The following DNAH9 variants were observed in gnomAD, a reference collection of about 807,000 sequenced individuals.
DNAH9 encodes the protein dynein axonemal heavy chain 9.
In DNAH9, 345 loss-of-function variants were observed where a neutral mutation model predicts 471.6. The observed-to-expected ratio is 0.73, with a 90% CI of 0.67 to 0.80. The LOEUF (loss-of-function observed/expected upper bound fraction) is 0.80. DNAH9 is among the 30% of genes least tolerant of loss of function. DNAH9 has a pLI of 0.00. For synonymous variants in DNAH9, 2,093 were observed against 2,123.6 expected (o/e 0.99, Z 0.40); for missense variants, 5,407 against 5,609.2 (o/e 0.96, Z 1.15).
intron 62 of DNAH9, 62 bp from the exon 63 acceptor site, chr17:11,929,804 T>C: frequency 7.0e-7 from 1 of 1,423,278 alleles, no homozygotes. Flanking sequence ...CTGACAACTA[T>C]TTACTGCTAA....
intron 55 of DNAH9, 145 bp downstream of exon 55, chr17:11,881,558 A>C: frequency 2.6e-6 from 2 of 757,880 alleles, no homozygotes; most frequent in Non-Finnish European, 4.1e-6. Context: ...CCCATGTAGC[A>C]ACCTGGGAAT....
chr17:11,606,733 A>G (rs946822597), intron 1 of DNAH9, among the ~76,000 whole-genome samples: 4 of 152,082 alleles, frequency 2.6e-5, no homozygotes, highest in African/African-American at 9.7e-5. Flanking sequence ...TGCGATTAAT[A>G]GAAACCTAAT....
chr17:11,839,650 A>G (rs1970965025), intron 49 of DNAH9, among the ~76,000 whole-genome samples: 2 of 152,328 alleles, frequency 1.3e-5, no homozygotes, highest in African/African-American at 4.8e-5. Context: ...TGTCTATTTC[A>G]GCAGTTTTTC....
rs188848035 is a variant in DNAH9, at chr17:11,677,848, A to T, written c.3354-1909A>T. Among the ~76,000 whole-genome samples, 677 of 152,100 alleles carry T rather than the reference A, an allele frequency of 4.5e-3. 4 individuals carry two copies. Among genetic ancestry groups the T allele is most frequent in the African/African-American group, 0.015 (630 of 41,522 alleles). ...GCTTACCACTGCTATTTTAATAAGC[A>T]TCCTTAAAATAAGTAAATTTATTAC... On this transcript the variant is annotated intron_variant, in intron 17 of 68. Transcript: ENST00000262442.
chr17:11,775,841 C>T (rs1409751891), intron 38 of DNAH9, among the ~76,000 whole-genome samples: 1 of 152,078 alleles, frequency 6.6e-6, no homozygotes, highest in Non-Finnish European at 1.5e-5. Context: ...ATCCGCCCGC[C>T]TCGGGCTCCC....
rs74931017 is a variant in DNAH9 at position 11,905,807 on chromosome 17, A to G, written c.11747A>G (p.Gln3916Arg). 3.9e-4 allele frequency: 630 copies of G among 1,600,522 alleles called. 4 individuals carry two copies. The African/African-American group carries it at 7.7e-3, about 20-fold the overall frequency. Residue 3916 changes from glutamine (Q) to arginine (R), a missense_variant and splice_region_variant, in exon 61 of 69, where the codon CAA becomes CGA. Coordinates refer to ENST00000262442, the MANE Select transcript of DNAH9 (RefSeq NM_001372.4). ...GVDPLKDVES[Q>R]GRKLGYTFNN... ...GACCCACTGAAGGATGTAGAAAGTCAAGGTGAGAAAGGCGTCCTCTTGGAG... is the reference window on the plus strand; with the variant it reads ...GACCCACTGAAGGATGTAGAAAGTCGAGGTGAGAAAGGCGTCCTCTTGGAG...
At chr17:11,645,778 C>T (rs2073370750) in intron 11 of DNAH9, among the ~76,000 whole-genome samples, 1 of 152,076 alleles carries the variant, frequency 6.6e-6, no homozygotes, top group Non-Finnish European at 1.5e-5. Context: ...CCCTTCATCA[C>T]CTCTCCTATG....
Position 11,834,753 on chromosome 17 carries a change from A to G in DNAH9, c.9362A>G (p.Glu3121Gly). 1 of 1,614,154 alleles carries G rather than the reference A, an allele frequency of 6.2e-7. No individual in the cohort carries two copies. The highest frequency in any genetic ancestry group is 8.5e-7 in the Non-Finnish European group (1 of 1,180,020). Residue 3121 changes from glutamate to glycine, a missense_variant, in exon 49 of 69, where the codon GAG becomes GGG. Physicochemically the swap from Glu to Gly is moderately conservative, Grantham distance 98 (BLOSUM62 -2). This residue lies in a region of DNAH9 where 4,636 missense variants were observed against 4,900.3 expected (regional missense o/e 0.95). Coordinates refer to ENST00000262442, the MANE Select transcript of DNAH9 (RefSeq NM_001372.4). Reference sequence around the variant, plus strand: ...GTGGAGACTGACAAAGTGAGCAGAGAGAAAGCCATGGCAGATGAAGAGGAG... The same window carrying G: ...GTGGAGACTGACAAAGTGAGCAGAGGGAAAGCCATGGCAGATGAAGAGGAG... ...VGVETDKVSR[E>G]KAMADEEEQK...
chr17:11,798,362 G>A (rs892350868), intron 43 of DNAH9, among the ~76,000 whole-genome samples: 7 of 146,564 alleles, frequency 4.8e-5, no homozygotes, highest in African/African-American at 1.8e-4. Flanking sequence ...GAACCTGGGA[G>A]GCCCAGGTTG....
At chr17:11,697,150 A>G (rs756230722) in intron 22 of DNAH9, among the ~76,000 whole-genome samples, 17 of 152,328 alleles carry the variant, frequency 1.1e-4, no homozygotes, top group Non-Finnish European at 2.4e-4. Context: ...AGCCACCAGA[A>G]TAGGCCTCAT....
intron 42 of DNAH9, among the ~76,000 whole-genome samples, chr17:11,796,654 C>A (rs1969252429): frequency 6.6e-6 from 1 of 151,602 alleles, no homozygotes; most frequent in African/African-American, 2.4e-5. Flanking sequence ...CCAGTCTGAA[C>A]TTTAGGAGGA....
chr17:11,883,426 A>G (rs530115141), intron 55 of DNAH9, among the ~76,000 whole-genome samples, 160 bp from the exon 56 acceptor site: 7 of 152,278 alleles, frequency 4.6e-5, no homozygotes, highest in African/African-American at 1.7e-4. Context: ...TTGGGCACCA[A>G]TTTGACTCCT....
chr17:11,942,895 T>A (rs1296161530), intron 67 of DNAH9, among the ~76,000 whole-genome samples: 2 of 120,854 alleles, frequency 1.7e-5, no homozygotes, highest in Admixed American at 8.7e-5. Context: ...GCTTGTTTTT[T>A]CTTTTTTTTT....
chr17:11,692,518 G>A (rs999096853), intron 20 of DNAH9, among the ~76,000 whole-genome samples: 2 of 152,058 alleles, frequency 1.3e-5, no homozygotes, highest in African/African-American at 2.4e-5. Flanking sequence ...AATTCATTTT[G>A]GTTATATAAA....
chr17:11,720,131 AC>A (rs1399929395), intron 27 of DNAH9, among the ~76,000 whole-genome samples: 1 of 152,132 alleles, frequency 6.6e-6, no homozygotes, highest in African/African-American at 2.4e-5. Flanking sequence ...AGCCAGAGAA[AC>A]AAAAGGCCCA....
At chr17:11,618,900 AC>A (rs1214411115) in intron 5 of DNAH9, among the ~76,000 whole-genome samples, 1 of 151,988 alleles carries the variant, frequency 6.6e-6, no homozygotes, top group East Asian at 1.9e-4. Context: ...AGGCTGTTTG[AC>A]TCCTCCTAGG....
intron 4 of DNAH9, 60 bp downstream of exon 4, chr17:11,611,840 A>T: frequency 6.4e-7 from 1 of 1,551,450 alleles, no homozygotes; most frequent in East Asian, 2.2e-5. Flanking sequence ...CGAATGATGC[A>T]TTCACCTCTC....
chr17:11,705,433 C>T (rs532550608), intron 26 of DNAH9: 2 of 438,980 alleles, frequency 4.6e-6, no homozygotes, highest in African/African-American at 1.9e-5. Flanking sequence ...CATACACACC[C>T]GAGTTCTAAC....
chr17:11,749,409 G>T (rs189351973), intron 32 of DNAH9, among the ~76,000 whole-genome samples: 2 of 151,990 alleles, frequency 1.3e-5, no homozygotes, highest in Non-Finnish European at 2.9e-5. Flanking sequence ...ATATATCAAA[G>T]ATATTAACCC....
Sources: allele counts gnomAD v4.1 joint callset (sites outside exome capture counted in the v4.1 genomes callset), GRCh38; gene constraint gnomAD v4.1.1; regional missense constraint gnomAD v4.1.1; transcripts MANE v1.5; gene names NCBI Gene and HGNC (gene_info 2026-07-23, HGNC 2026-07-21).